MACROD2: variants seen among roughly 807,000 people sequenced by gnomAD.
MACROD2 encodes the protein ADP-ribose glycohydrolase MACROD2.
MACROD2 carries 36 observed loss-of-function variants against 70.4 expected under a neutral mutation model. The observed-to-expected ratio is 0.51, with a 90% CI of 0.39 to 0.68. The LOEUF is 0.68. MACROD2 is among the 30% of genes least tolerant of loss of function. The probability of loss-of-function intolerance (pLI) is 0.00; values close to 1 mark genes in which losing one functional copy is unlikely to be tolerated. For missense variants in MACROD2, 496 were observed against 538.4 expected, an observed-to-expected ratio of 0.92 and a Z score of 0.78; for synonymous variants, 172 against 178.8, an observed-to-expected ratio of 0.96 and a Z score of 0.30.
chr20:14,302,063 G>C (rs1259519885), intron 3 of MACROD2, among the ~76,000 whole-genome samples: 1 of 152,174 alleles, frequency 6.6e-6, no homozygotes, highest in Non-Finnish European at 1.5e-5. Context: ...CAGAATTACT[G>C]TCTTAAAACA....
chr20:14,333,858 C>T (rs1370044629), intron 3 of MACROD2, among the ~76,000 whole-genome samples: 1 of 152,206 alleles, frequency 6.6e-6, no homozygotes, highest in African/African-American at 2.4e-5. Context: ...GATCAATCCA[C>T]AGTCCAGTGG....
intron 15 of MACROD2, among the ~76,000 whole-genome samples, chr20:16,005,480 G>T (rs924152001): frequency 1.3e-5 from 2 of 152,122 alleles, no homozygotes; most frequent in Non-Finnish European, 2.9e-5. Context: ...GAAGCAACTG[G>T]CTCACTGACA....
At chr20:14,849,865 G>A (rs1460280864) in intron 5 of MACROD2, 1 of 429,300 alleles carries the variant, frequency 2.3e-6, no homozygotes, top group South Asian at 1.8e-5. Context: ...ATAAAAATAG[G>A]CTCCTAACCC....
At chr20:14,585,840 A>C (rs17227118) in intron 4 of MACROD2, among the ~76,000 whole-genome samples, 3,587 of 152,236 alleles carry the variant, frequency 0.024, 60 homozygotes, top group Admixed American at 0.037. Flanking sequence ...GAAAATGCTG[A>C]GTTTTAGGTG....
Position 15,199,007 on chromosome 20 carries a change from C to CT in MACROD2, c.419-30916dup, listed in dbSNP as rs11477634. ...CAAATGTGAATTAGCATCTGGACTT[C>CT]TTTTTTTTTTTTTTTTTGTACGTGA... On this transcript the variant is annotated intron_variant, in intron 5 of 17. Coordinates refer to ENST00000684519, the MANE Select transcript of MACROD2 (RefSeq NM_001351661.2). Among the ~76,000 whole-genome samples, 628 of 118,616 alleles carry CT rather than the reference C, an allele frequency of 5.3e-3. 2 individuals carry two copies. Among genetic ancestry groups the CT allele is most frequent in the South Asian group, 8.7e-3 (32 of 3,682 alleles). The allele number at this position is 118,616 out of a possible 152,430, so 77.8% of individuals were successfully genotyped here. A position where few individuals can be genotyped will look rare whatever the true frequency, so the allele number is the denominator to read the frequency against.
At chr20:14,471,627 C>T (rs377283165) in intron 3 of MACROD2, among the ~76,000 whole-genome samples, 10 of 152,002 alleles carry the variant, frequency 6.6e-5, no homozygotes, top group Non-Finnish European at 1.0e-4. Flanking sequence ...AAAGTTCATG[C>T]GAATTTTACT....
chr20:14,898,552 C>A (rs1321022452), intron 5 of MACROD2, among the ~76,000 whole-genome samples: 2 of 152,078 alleles, frequency 1.3e-5, no homozygotes, highest in East Asian at 3.9e-4. Flanking sequence ...CATGGTGAAA[C>A]CCCGTCTCTA....
intron 3 of MACROD2, among the ~76,000 whole-genome samples, chr20:14,436,692 A>C (rs2084059988): frequency 6.6e-6 from 1 of 152,234 alleles, no homozygotes; most frequent in South Asian, 2.1e-4. Context: ...TGACAAGTAC[A>C]AGGAGCAGGA....
intron 4 of MACROD2, among the ~76,000 whole-genome samples, chr20:14,583,597 T>C (rs1177345409): frequency 1.3e-5 from 2 of 152,180 alleles, no homozygotes; most frequent in East Asian, 1.9e-4. Context: ...GGAACACTAA[T>C]GAAGAGCGAT....
At chr20:14,527,367 A>G (rs1212943050) in intron 4 of MACROD2, among the ~76,000 whole-genome samples, 1 of 152,104 alleles carries the variant, frequency 6.6e-6, no homozygotes, top group African/African-American at 2.4e-5. Context: ...CTAGGTCCAT[A>G]CGGGTGGAAC....
chr20:14,088,497 C>T (rs914190830), intron 3 of MACROD2, among the ~76,000 whole-genome samples: 1 of 151,976 alleles, frequency 6.6e-6, no homozygotes, highest in African/African-American at 2.4e-5. Context: ...CACTTATCAG[C>T]CTTCCTGTGT....
chr20:15,680,455 G>A lies in MACROD2; in HGVS notation c.645+180608G>A, dbSNP rs373931043. 1.2e-4 allele frequency among the ~76,000 whole-genome samples: 18 copies of A among 152,138 alleles called. No individual in the cohort carries two copies. The South Asian group carries it at 2.3e-3, about 19-fold the overall frequency. On this transcript the variant is annotated intron_variant, in intron 8 of 17. Coordinates refer to ENST00000684519, the MANE Select transcript of MACROD2 (RefSeq NM_001351661.2). The stretch of plus-strand genomic sequence containing the variant: ...AAGGGACTGTCCTGATAGAATACCC[G>A]ACCTATATCATGACTTGTTGGAATA...
At chr20:14,242,457 T>C (rs894555590) in intron 3 of MACROD2, among the ~76,000 whole-genome samples, 1 of 152,176 alleles carries the variant, frequency 6.6e-6, no homozygotes, top group Non-Finnish European at 1.5e-5. Flanking sequence ...AGCAGAAGTA[T>C]ACATATCTAC....
At chr20:16,034,030 T>G (rs1355372983) in intron 15 of MACROD2, among the ~76,000 whole-genome samples, 1 of 151,960 alleles carries the variant, frequency 6.6e-6, no homozygotes, top group Non-Finnish European at 1.5e-5. Context: ...TCACACTGGA[T>G]GAATTTTAAG....
At chr20:14,334,242 T>C (rs997872038) in intron 3 of MACROD2, among the ~76,000 whole-genome samples, 1 of 152,224 alleles carries the variant, frequency 6.6e-6, no homozygotes, top group Non-Finnish European at 1.5e-5. Context: ...AACTGTCTTT[T>C]AGTGTGATGT....
intron 8 of MACROD2, among the ~76,000 whole-genome samples, chr20:15,626,089 A>T (rs1320820673): frequency 6.6e-6 from 1 of 152,168 alleles, no homozygotes; most frequent in Non-Finnish European, 1.5e-5. Context: ...TTAACCATAC[A>T]GATGAAGGAA....
At chr20:14,648,333 A>G (rs1176314691) in intron 4 of MACROD2, among the ~76,000 whole-genome samples, 2 of 152,168 alleles carry the variant, frequency 1.3e-5, no homozygotes, top group Admixed American at 6.6e-5. Context: ...CATTCATACA[A>G]TTTACAAAAT....
At chr20:15,421,756 A>G (rs1348539883) in intron 6 of MACROD2, among the ~76,000 whole-genome samples, 1 of 152,234 alleles carries the variant, frequency 6.6e-6, no homozygotes, top group African/African-American at 2.4e-5. Context: ...AGCAATAAAC[A>G]AAGCAAAGGT....
intron 8 of MACROD2, among the ~76,000 whole-genome samples, chr20:15,624,775 A>G (rs2049178857): frequency 6.6e-6 from 1 of 152,216 alleles, no homozygotes; most frequent in African/African-American, 2.4e-5. Context: ...GATTTCTGGT[A>G]TAGGACAATA....
Sources: allele counts gnomAD v4.1 joint callset (sites outside exome capture counted in the v4.1 genomes callset), GRCh38; gene constraint gnomAD v4.1.1; transcripts MANE v1.5; gene names NCBI Gene and HGNC (gene_info 2026-07-23, HGNC 2026-07-21).